Variants in FARS2 observed in about 807,000 individuals in gnomAD.
FARS2 encodes the protein phenylalanyl-tRNA synthetase 2, mitochondrial.
Under a neutral mutation model 46.4 loss-of-function variants are expected in FARS2, and 40 were observed. The observed-to-expected ratio is 0.86, with a 90% confidence interval of 0.67 to 1.12. FARS2 has a LOEUF of 1.12. FARS2 is among the 50% of genes most tolerant of loss of function. The probability of loss-of-function intolerance (pLI) is 0.00; values close to 1 mark genes in which losing one functional copy is unlikely to be tolerated. For synonymous variants in FARS2, 234 were observed against 214.9 expected (o/e 1.09, Z -0.78); for missense variants, 513 against 567.9 (o/e 0.90, Z 0.98).
chr6:5,552,418 C>T (rs1771422213), intron 5 of FARS2, among the ~76,000 whole-genome samples: 1 of 152,178 alleles, frequency 6.6e-6, no homozygotes, highest in Non-Finnish European at 1.5e-5. Context: ...GCAGAAATTT[C>T]TCTTCCTTGG....
At chr6:5,494,443 A>G (rs1449557560) in intron 4 of FARS2, among the ~76,000 whole-genome samples, 1 of 152,108 alleles carries the variant, frequency 6.6e-6, no homozygotes. Flanking sequence ...CGGGCTTTGA[A>G]ACTCTGCGTG....
At chr6:5,315,745 T>TCTTTCTTTCTTCCTTC (rs1554162044) in intron 1 of FARS2, among the ~76,000 whole-genome samples, 2 of 150,326 alleles carry the variant, frequency 1.3e-5, no homozygotes, top group African/African-American at 2.5e-5. Context: ...TTTTTTCCTT[T>TCTTTCTTTCTTCCTTC]CTTTCTTTCT....
chr6:5,754,002 A>G (rs1223963162), intron 6 of FARS2, among the ~76,000 whole-genome samples: 1 of 152,194 alleles, frequency 6.6e-6, no homozygotes, highest in African/African-American at 2.4e-5. Context: ...AACACCAGGG[A>G]CACATAACTT....
At chr6:5,579,629 T>C (rs968397800) in intron 5 of FARS2, among the ~76,000 whole-genome samples, 6 of 152,330 alleles carry the variant, frequency 3.9e-5, no homozygotes, top group East Asian at 3.9e-4. Flanking sequence ...CAAGTTATTT[T>C]TCCCCCAAAC....
chr6:5,706,878 G>A (rs1582804728), intron 6 of FARS2, among the ~76,000 whole-genome samples: 2 of 152,186 alleles, frequency 1.3e-5, no homozygotes, highest in South Asian at 2.1e-4. Flanking sequence ...GAGAAATTTC[G>A]AGCTTTCCAT....
chr6:5,303,875 A>C (rs1293325781), intron 1 of FARS2, among the ~76,000 whole-genome samples: 1 of 151,792 alleles, frequency 6.6e-6, no homozygotes, highest in Admixed American at 6.6e-5. Flanking sequence ...GGGTTAGCAG[A>C]TGGACACTGC....
intron 6 of FARS2, among the ~76,000 whole-genome samples, chr6:5,762,180 A>G (rs773013588): frequency 6.6e-6 from 1 of 152,222 alleles, no homozygotes; most frequent in African/African-American, 2.4e-5. Flanking sequence ...GATAACCTTC[A>G]GCTGCCTGAA....
At chr6:5,519,690 ACT>A (rs1769016067) in intron 4 of FARS2, among the ~76,000 whole-genome samples, 2 of 152,250 alleles carry the variant, frequency 1.3e-5, no homozygotes, top group South Asian at 2.1e-4. Context: ...AGGCAGTATG[ACT>A]CTGAGTCCAG....
chr6:5,490,868 A>T lies in FARS2; in HGVS notation c.905-54312A>T, dbSNP rs528618306. 5.9e-5 allele frequency among the ~76,000 whole-genome samples: 9 copies of T among 152,354 alleles called. No homozygotes were observed. In the South Asian group the frequency reaches 8.3e-4, roughly 14 times the overall value. On this transcript the variant is annotated intron_variant, in intron 4 of 6. Transcript: ENST00000274680. Reference sequence around the variant, plus strand: ...CTTGGAAGCAGATATCCAACCAGTTATACCTCCAGATGCCTGCAGCCTCAG... The same window carrying T: ...CTTGGAAGCAGATATCCAACCAGTTTTACCTCCAGATGCCTGCAGCCTCAG...
chr6:5,412,891 TA>T (rs1001530449), intron 3 of FARS2, among the ~76,000 whole-genome samples: 3 of 151,146 alleles, frequency 2.0e-5, no homozygotes, highest in Non-Finnish European at 1.5e-5. Context: ...CGCCTCGCCG[TA>T]GCTTAGATGT....
At chr6:5,443,671 C>G (rs1237699405) in intron 4 of FARS2, among the ~76,000 whole-genome samples, 1 of 152,254 alleles carries the variant, frequency 6.6e-6, no homozygotes, top group Non-Finnish European at 1.5e-5. Flanking sequence ...TCTGGACCAG[C>G]TGAGCCCCAG....
chr6:5,710,547 C>A (rs1311537220), intron 6 of FARS2, among the ~76,000 whole-genome samples: 1 of 152,098 alleles, frequency 6.6e-6, no homozygotes, highest in Non-Finnish European at 1.5e-5. Context: ...CCTGCGGCTT[C>A]CCCCGCTCAC....
At chr6:5,288,937 A>T (rs1383618196) in intron 1 of FARS2, among the ~76,000 whole-genome samples, 1 of 152,212 alleles carries the variant, frequency 6.6e-6, no homozygotes, top group Non-Finnish European at 1.5e-5. Context: ...CTGTAGATCA[A>T]GTCATTTATT....
chr6:5,736,389 G>C (rs1760948828), intron 6 of FARS2, among the ~76,000 whole-genome samples: 2 of 152,220 alleles, frequency 1.3e-5, no homozygotes, highest in South Asian at 4.1e-4. Context: ...AACACCAGGA[G>C]GTGGGGATCT....
At chr6:5,353,730 T>TG (rs201499066) in intron 1 of FARS2, among the ~76,000 whole-genome samples, 6,799 of 140,640 alleles carry the variant, frequency 0.048, 222 homozygotes, top group Middle Eastern at 0.098. Flanking sequence ...TTTGGTGTTT[T>TG]TTTTTTTTTT....
intron 1 of FARS2, among the ~76,000 whole-genome samples, chr6:5,332,068 G>A (rs1770835704): frequency 6.6e-6 from 1 of 152,146 alleles, no homozygotes; most frequent in Admixed American, 6.5e-5. Flanking sequence ...GTTTCAGACA[G>A]GAAACTAAAT....
intron 6 of FARS2, among the ~76,000 whole-genome samples, chr6:5,737,766 C>T (rs1204336355): frequency 6.6e-6 from 1 of 152,132 alleles, no homozygotes; most frequent in Non-Finnish European, 1.5e-5. Flanking sequence ...TACCATGTAC[C>T]CTTCTTCCGT....
chr6:5,608,587 A>G (rs1774983454), intron 5 of FARS2, among the ~76,000 whole-genome samples: 1 of 150,644 alleles, frequency 6.6e-6, no homozygotes, highest in Non-Finnish European at 1.5e-5. Flanking sequence ...TTCCATCTAT[A>G]ATTTTATCTG....
intron 3 of FARS2, among the ~76,000 whole-genome samples, chr6:5,421,437 C>T (rs1361097389): frequency 6.6e-6 from 1 of 152,212 alleles, no homozygotes; most frequent in African/African-American, 2.4e-5. Flanking sequence ...GATTAACTTT[C>T]ACCTTCTTGT....
Sources: allele counts gnomAD v4.1 joint callset (sites outside exome capture counted in the v4.1 genomes callset), GRCh38; gene constraint gnomAD v4.1.1; transcripts MANE v1.5; gene names NCBI Gene and HGNC (gene_info 2026-07-23, HGNC 2026-07-21).